Variants in ZNF71 observed in about 807,000 individuals in gnomAD.
ZNF71 encodes the protein zinc finger protein 71.
ZNF71 carries 3 observed loss-of-function variants against 6.7 expected under a neutral mutation model. That is an observed-to-expected ratio of 0.45 (90% CI 0.20 to 1.16). ZNF71 has a LOEUF of 1.16. Ranked by LOEUF, ZNF71 falls within the 50% of genes most tolerant of loss-of-function variation. The pLI is 0.25. For synonymous variants in ZNF71, 343 were observed against 311.1 expected (o/e 1.10, Z -1.08); for missense variants, 688 against 728.6 (o/e 0.94, Z 0.64).
rs760729510 is a variant in ZNF71 at position 56,621,792 on chromosome 19, G to T, written c.685G>T (p.Glu229Ter). The T allele has an allele frequency of 2.5e-6, 4 of 1,613,778 alleles. No individual in the cohort carries two copies. The East Asian group carries it at 6.7e-5, about 27-fold the overall frequency. ...ECDTCGKHFI[E>*]RSSLTIHQRV... ...TGACACCTGTGGGAAGCACTTCATC[G>T]AGCGCTCGTCCCTCACCATCCACCA... The change falls in exon 4 of 4, where the codon GAG becomes TAG. Residue 229 changes from glutamate to a stop codon, truncating the protein, a stop_gained. Coordinates refer to ENST00000599599, the MANE Select transcript of ZNF71 (RefSeq NM_001370215.1). LOFTEE classifies it low-confidence loss of function (END_TRUNC).
intron 2 of ZNF71, among the ~76,000 whole-genome samples, chr19:56,602,401 T>C (rs928598002): frequency 6.6e-6 from 1 of 152,206 alleles, no homozygotes; most frequent in African/African-American, 2.4e-5. Context: ...CGGTATGTAT[T>C]CCCACCAGCA....
rs138052876 is a variant in ZNF71, at chr19:56,604,539, G to A, written c.33+2948G>A. ...CATATTTGTACACATTTAACCTTAC[G>A]ACCCTGTGGAGGGGGACATTGTTAT... On this transcript the variant is annotated intron_variant, in intron 2 of 3. Transcript: ENST00000599599. Among the ~76,000 whole-genome samples the A allele has an allele frequency of 7.0e-3, 1,072 of 152,238 alleles. 7 individuals are homozygous for A. The highest frequency in any genetic ancestry group is 0.011 in the Non-Finnish European group (751 of 68,028).
At position 56,613,408 on chromosome 19, in the gene ZNF71, C is replaced by T. The variant is rs2044766764; in HGVS notation, c.34-404C>T. ...GTTCTTGAACATTTTGTGTCTGTATCCCAGCACTGGGCTTGCTGCCTGGTG... is the reference window on the plus strand; with the variant it reads ...GTTCTTGAACATTTTGTGTCTGTATTCCAGCACTGGGCTTGCTGCCTGGTG... On this transcript the variant is annotated intron_variant, in intron 2 of 3. Coordinates refer to ENST00000599599, the MANE Select transcript of ZNF71 (RefSeq NM_001370215.1). The surrounding 1 kb of genome is among the most constrained non-coding windows in gnomAD (Gnocchi z 4.6). Among the ~76,000 whole-genome samples the T allele has an allele frequency of 6.6e-6, 1 of 152,210 alleles. No individual in the cohort carries two copies. The highest frequency in any genetic ancestry group is 1.5e-5 in the Non-Finnish European group (1 of 68,046).
chr19:56,622,600 A>G lies in ZNF71; in HGVS notation c.1493A>G (p.Tyr498Cys), dbSNP rs781321555. 4 of 1,613,394 alleles carry G rather than the reference A, an allele frequency of 2.5e-6. No homozygotes were observed. The Admixed American group carries it at 6.7e-5, about 27-fold the overall frequency. ...CGGATCCACACCGGCGAGAAGCCGT[A>G]CAGGTGCGGCCAGTGCGGGAAGTCC... Reference protein sequence around the residue: ...HQRIHTGEKPYRCGQCGKSFI... With the variant: ...HQRIHTGEKPCRCGQCGKSFI... The change falls in exon 4 of 4, where the codon TAC (tyrosine) becomes TGC (cysteine). Residue 498 changes from tyrosine to cysteine, a missense_variant. Physicochemically the swap from Tyr to Cys is radical, Grantham distance 194 (BLOSUM62 -2). Transcript: ENST00000599599.
chr19:56,622,368 A>G lies in ZNF71; in HGVS notation c.1261A>G (p.Lys421Glu), dbSNP rs1194665568. The G allele has an allele frequency of 6.2e-7, 1 of 1,613,138 alleles. No homozygotes were observed. Among genetic ancestry groups the G allele is most frequent in the East Asian group, 2.2e-5 (1 of 44,720 alleles). Residue 421 changes from lysine to glutamate, a missense_variant, in exon 4 of 4, where the codon AAG (lysine) becomes GAG (glutamate). Physicochemically the swap from Lys to Glu is moderately conservative, Grantham distance 56. Transcript: ENST00000599599. Reference protein sequence around the residue: ...VKPFECSECGKAFSKNSSLTQ... With the variant: ...VKPFECSECGEAFSKNSSLTQ... The stretch of plus-strand genomic sequence containing the variant: ...GCCGTTCGAGTGCAGCGAGTGCGGC[A>G]AGGCCTTCAGCAAGAACTCCTCGCT...
In ZNF71 at chr19:56,621,644, G is replaced by A. The variant is rs1350438181; in HGVS notation, c.537G>A (p.Lys179=). ...TCTCCAGCACTTCAGACCTCAGTAA[G>A]CCCCCCATGCCCTGCGAGGAGAAGA... is the stretch of plus-strand genomic sequence containing the variant. ...KNFSSTSDLS[K]PPMPCEEKKT... is the part of the protein sequence containing the mutation. Residue 179 remains lysine (K), a synonymous_variant, in exon 4 of 4, where the codon AAG becomes AAA. Coordinates refer to ENST00000599599, the MANE Select transcript of ZNF71 (RefSeq NM_001370215.1). The A allele has an allele frequency of 6.2e-7, 1 of 1,614,088 alleles. No individual in the cohort carries two copies. The highest frequency in any genetic ancestry group is 8.5e-7 in the Non-Finnish European group (1 of 1,180,040).
intron 1 of ZNF71, among the ~76,000 whole-genome samples, chr19:56,599,292 A>AT (rs201283729): frequency 4.0e-5 from 6 of 151,448 alleles, no homozygotes; most frequent in Admixed American, 2.0e-4. Context: ...CATGGATCCT[A>AT]TTTTTTTACT....
At chr19:56,620,426 A>G (rs926458892) in intron 3 of ZNF71, among the ~76,000 whole-genome samples, 3 of 152,228 alleles carry the variant, frequency 2.0e-5, no homozygotes, top group Admixed American at 6.5e-5. Flanking sequence ...AGAAGGGTGG[A>G]GAATAGAAAG....
intron 1 of ZNF71, among the ~76,000 whole-genome samples, chr19:56,596,155 T>G (rs2044621200): frequency 6.6e-6 from 1 of 152,074 alleles, no homozygotes; most frequent in South Asian, 2.1e-4. Flanking sequence ...AGTGTCTCTG[T>G]GGGAGGGTGC....
intron 2 of ZNF71, among the ~76,000 whole-genome samples, chr19:56,607,017 G>A (rs1294279041): frequency 6.6e-6 from 1 of 152,114 alleles, no homozygotes; most frequent in East Asian, 1.9e-4. Flanking sequence ...AAGAGACAGT[G>A]AAAATGGGTA....
chr19:56,621,983 C>T lies in ZNF71; in HGVS notation c.876C>T (p.His292=), dbSNP rs1460648936. The T allele has an allele frequency of 1.2e-6, 2 of 1,606,626 alleles. No individual in the cohort carries two copies. The highest frequency in any genetic ancestry group is 1.7e-5 in the Admixed American group (1 of 59,356). ...GGAAGACTTCCTCTCTCACCCAGCA[C>T]GAGCGGATCCACACGGGGGAGAAGC... is the stretch of plus-strand genomic sequence containing the variant. ...AFRKTSSLTQ[H]ERIHTGEKPY... Residue 292 remains histidine (H), a synonymous_variant, in exon 4 of 4, where the codon CAC becomes CAT. Transcript: ENST00000599599.
In ZNF71 at chr19:56,617,112, G is replaced by GTTTTGTT. The variant is rs1555776017; in HGVS notation, c.160+3178_160+3179insGTTTTTT. 2.8e-3 allele frequency among the ~76,000 whole-genome samples: 390 copies of GTTTTGTT among 140,640 alleles called. 11 individuals are homozygous for GTTTTGTT. The highest frequency in any genetic ancestry group is 0.026 in the South Asian group (114 of 4,354). 92.3% of individuals were successfully genotyped at this position (140,640 alleles called of 152,430 possible). On this transcript the variant is annotated intron_variant, in intron 3 of 3. Transcript: ENST00000599599. Reference sequence around the variant, plus strand: ...TTACAGGAGACTTCCATTTTCTTTTGTTTTTTTTTGTTTTTTTTGAGACAG... The same window carrying GTTTTGTT: ...TTACAGGAGACTTCCATTTTCTTTTGTTTTGTTTTTTTTTTTGTTTTTTTTGAGACAG...
intron 2 of ZNF71, among the ~76,000 whole-genome samples, chr19:56,611,082 A>G (rs1261901151): frequency 6.6e-6 from 1 of 152,224 alleles, no homozygotes; most frequent in African/African-American, 2.4e-5. Context: ...CTTCCAAAGA[A>G]TGAATAAGAA....
At chr19:56,616,343 A>G (rs1266671911) in intron 3 of ZNF71, among the ~76,000 whole-genome samples, 1 of 152,306 alleles carries the variant, frequency 6.6e-6, no homozygotes, top group East Asian at 1.9e-4. Context: ...ACTTGTCCAT[A>G]CAAGTGTGGG....
At position 56,613,337 on chromosome 19, in the gene ZNF71, G is replaced by A. The variant is rs117095682; in HGVS notation, c.34-475G>A. ...TGTTCATACCTTCATGATTGATTGC[G>A]TTTACCAAATTACGTGTCTTTGTCT... is the stretch of plus-strand genomic sequence containing the variant. On this transcript the variant is annotated intron_variant, in intron 2 of 3. Transcript: ENST00000599599. The surrounding 1 kb of genome is among the most constrained non-coding windows in gnomAD (Gnocchi z 4.6). Among the ~76,000 whole-genome samples the A allele has an allele frequency of 9.2e-5, 14 of 152,314 alleles. No homozygotes were observed. The highest frequency in any genetic ancestry group is 1.9e-4 in the East Asian group (1 of 5,184).
rs2044847730 is a variant in ZNF71 at position 56,621,504 on chromosome 19, C to T, written c.397C>T (p.Pro133Ser). ...QGNKLLGGSV[P>S]ACHELKAFAN... ...GAACAAACTCTTAGGGGGCTCAGTA[C>T]CCGCATGTCATGAACTGAAGGCATT... The change falls in exon 4 of 4, where the codon CCC becomes TCC. Residue 133 changes from proline to serine, a missense_variant. Pro to Ser is a moderately conservative substitution (Grantham distance 74, BLOSUM62 -1). Transcript: ENST00000599599. 1 of 1,614,030 alleles carries T rather than the reference C, an allele frequency of 6.2e-7. No individual in the cohort carries two copies. Among genetic ancestry groups the T allele is most frequent in the Admixed American group, 1.7e-5 (1 of 59,992 alleles).
At chr19:56,607,180 A>G (rs1040931408) in intron 2 of ZNF71, among the ~76,000 whole-genome samples, 2 of 152,168 alleles carry the variant, frequency 1.3e-5, no homozygotes, top group African/African-American at 4.8e-5. Flanking sequence ...TATATTCTAA[A>G]TATGTTCATT....
chr19:56,601,246 G>A (rs575783204), intron 1 of ZNF71, among the ~76,000 whole-genome samples: 2 of 152,032 alleles, frequency 1.3e-5, no homozygotes, highest in Non-Finnish European at 2.9e-5. Context: ...TAATCTCCTC[G>A]GGCCTCAGCC....
rs1450700656 is a variant in ZNF71, at chr19:56,600,380, G to T, written c.-52-1127G>T. Among the ~76,000 whole-genome samples, 73 of 54,548 alleles carry T rather than the reference G, an allele frequency of 1.3e-3. 24 individuals are homozygous for T. Among genetic ancestry groups the T allele is most frequent in the African/African-American group, 4.6e-3 (71 of 15,398 alleles). 35.8% of individuals were successfully genotyped at this position (54,548 alleles called of 152,430 possible). A position where few individuals can be genotyped will look rare whatever the true frequency, so the allele number is the denominator to read the frequency against. On this transcript the variant is annotated intron_variant, in intron 1 of 3. Coordinates refer to ENST00000599599, the MANE Select transcript of ZNF71 (RefSeq NM_001370215.1). Reference sequence around the variant, plus strand: ...GCCCGGCTAATTTTTTGTATTTTTAGTAGAGACGGGGTTTCACCTTGTTAG... The same window carrying T: ...GCCCGGCTAATTTTTTGTATTTTTATTAGAGACGGGGTTTCACCTTGTTAG...
Sources: gnomAD v4.1 joint callset for allele counts (sites outside exome capture counted in the v4.1 genomes callset) on GRCh38, gnomAD v4.1.1 for gene constraint, Gnocchi (gnomAD v3.1) non-coding constraint, MANE v1.5 for transcripts, NCBI Gene and HGNC (gene_info 2026-07-23, HGNC 2026-07-21) for gene names.